Variants in PTGER4 observed in about 807,000 individuals in gnomAD.
PTGER4 encodes prostaglandin E receptor 4, also known as prostaglandin E2 receptor EP4 subtype.
Under a neutral mutation model 33.2 loss-of-function variants are expected in PTGER4, and 11 were observed. That is an observed-to-expected ratio of 0.33 (90% confidence interval 0.21 to 0.55). The LOEUF (loss-of-function observed/expected upper bound fraction) is 0.55. Ranked by LOEUF, PTGER4 falls within the 20% of genes least tolerant of loss-of-function variation. PTGER4 has a pLI of 0.92. For missense variants in PTGER4, 481 were observed against 650.2 expected, an observed-to-expected ratio of 0.74 and a Z score of 2.83; for synonymous variants, 275 against 281.5, an observed-to-expected ratio of 0.98 and a Z score of 0.23.
rs1190115669 is a variant in PTGER4, at chr5:40,691,028, T to G, written c.868-751T>G. 6.6e-6 allele frequency among the ~76,000 whole-genome samples: 1 copy of G among 152,228 alleles called. No individual in the cohort carries two copies. Among genetic ancestry groups the G allele is most frequent in the Non-Finnish European group, 1.5e-5 (1 of 68,038 alleles). Reference sequence around the variant, plus strand: ...GCAGTGACTGGTTTTTATTTTTTTATTTTTTATTTTTAAACAGATTCTTGC... The same window carrying G: ...GCAGTGACTGGTTTTTATTTTTTTAGTTTTTATTTTTAAACAGATTCTTGC... On this transcript the variant is annotated intron_variant, in intron 2 of 2. Coordinates refer to ENST00000302472, the MANE Select transcript of PTGER4 (RefSeq NM_000958.3). This position sits in a 1 kb window ranked among gnomAD's most constrained non-coding sequence, Gnocchi z 4.2.
chr5:40,709,936 T>G, the PTGER4 span, among the ~76,000 whole-genome samples: 1 of 152,096 alleles, frequency 6.6e-6, no homozygotes, highest in East Asian at 1.9e-4. Context: ...CAAGATGGAT[T>G]AAAGACTTAA....
chr5:40,699,451 TCTATAGAAA>T, the PTGER4 span, among the ~76,000 whole-genome samples: 1 of 152,182 alleles, frequency 6.6e-6, no homozygotes, highest in Non-Finnish European at 1.5e-5. Flanking sequence ...TGACACCAAA[TCTATAGAAA>T]CTATATTGAA....
At chr5:40,741,006 A>G in the PTGER4 span, among the ~76,000 whole-genome samples, 2 of 152,172 alleles carry the variant, frequency 1.3e-5, no homozygotes, top group African/African-American at 4.8e-5. Context: ...TAGTTGTATT[A>G]CCATTTTAAT....
chr5:40,697,161 AAAAG>A (rs1291673995), downstream of PTGER4, among the ~76,000 whole-genome samples: 12 of 149,488 alleles, frequency 8.0e-5, no homozygotes, highest in Admixed American at 2.7e-4. Flanking sequence ...AGAAAGAAAG[AAAAG>A]AAAGAAAGGA....
the PTGER4 span, among the ~76,000 whole-genome samples, chr5:40,704,270 G>C: frequency 6.6e-6 from 1 of 152,122 alleles, no homozygotes; most frequent in Non-Finnish European, 1.5e-5. Flanking sequence ...AAAGACTTTT[G>C]ATAAAATTCA....
At chr5:40,705,658 G>A in the PTGER4 span, among the ~76,000 whole-genome samples, 1 of 152,062 alleles carries the variant, frequency 6.6e-6, no homozygotes. Context: ...ATTAAAACAT[G>A]GGCAAAGGAC....
At chr5:40,739,287 C>T in the PTGER4 span, among the ~76,000 whole-genome samples, 2 of 152,152 alleles carry the variant, frequency 1.3e-5, no homozygotes, top group Non-Finnish European at 1.5e-5. Flanking sequence ...TTATCTCAAA[C>T]GCAAGCTTGC....
At chr5:40,733,520 T>A in the PTGER4 span, among the ~76,000 whole-genome samples, 1 of 152,202 alleles carries the variant, frequency 6.6e-6, no homozygotes, top group African/African-American at 2.4e-5. Context: ...TGTTAAAAGC[T>A]TATCATATTT....
rs45480797 is a variant in PTGER4 at position 40,680,862 on chromosome 5, C to G, written c.-43-89C>G. 80,304 of 1,140,612 alleles carry G rather than the reference C, an allele frequency of 0.07. 3,226 individuals carry two copies. Among genetic ancestry groups the G allele is most frequent in the African/African-American group, 0.11 (7,029 of 64,446 alleles). The allele number at this position is 1,140,612 out of a possible 1,614,324, so 70.7% of individuals were successfully genotyped here. A position where few individuals can be genotyped will look rare whatever the true frequency, so the allele number is the denominator to read the frequency against. On this transcript the variant is annotated intron_variant, in intron 1 of 2. Transcript: ENST00000302472. This position sits in a 1 kb window ranked among gnomAD's most constrained non-coding sequence, Gnocchi z 5.5. ...GATCGAGTTGCTCCCCTTGTCTTAT[C>G]AGTGTATCGTTTCTCGGGCGCGGGT...
rs746317831 is a variant in PTGER4, at chr5:40,681,162, C to T, written c.169C>T (p.Leu57=). ...KEQKETTFYT[L]VCGLAVTDLL... Reference sequence around the variant, plus strand: ...GCAGAAGGAGACGACCTTCTACACGCTGGTATGTGGGCTGGCTGTCACCGA... The same window carrying T: ...GCAGAAGGAGACGACCTTCTACACGTTGGTATGTGGGCTGGCTGTCACCGA... The change falls in exon 2 of 3, where the codon CTG becomes TTG. Residue 57 remains leucine, a synonymous_variant. Coordinates refer to ENST00000302472, the MANE Select transcript of PTGER4 (RefSeq NM_000958.3). This position sits in a 1 kb window ranked among gnomAD's most constrained non-coding sequence, Gnocchi z 9.8. 1 of 1,614,186 alleles carries T rather than the reference C, an allele frequency of 6.2e-7. No homozygotes were observed. The highest frequency in any genetic ancestry group is 8.5e-7 in the Non-Finnish European group (1 of 1,180,046).
rs762282121 is a variant in PTGER4 at position 40,692,325 on chromosome 5, C to G, written c.1414C>G (p.Leu472Val). 8.7e-6 allele frequency: 14 copies of G among 1,608,504 alleles called. No individual in the cohort carries two copies. Among genetic ancestry groups the G allele is most frequent in the Non-Finnish European group, 3.4e-6 (4 of 1,177,658 alleles). Residue 472 changes from leucine (L) to valine (V), a missense_variant, in exon 3 of 3, where the codon CTG becomes GTG. Physicochemically the swap from Leu to Val is conservative, Grantham distance 32. Transcript: ENST00000302472. ...RAGPAPKGSS[L>V]QVTFPSETLN... is the part of the protein sequence containing the mutation. Reference sequence around the variant, plus strand: ...TGGGCCTGCCCCTAAGGGGAGCTCCCTGCAAGTCACATTTCCCAGTGAAAC... The same window carrying G: ...TGGGCCTGCCCCTAAGGGGAGCTCCGTGCAAGTCACATTTCCCAGTGAAAC...
chr5:40,725,150 ATT>A, the PTGER4 span, among the ~76,000 whole-genome samples: 19 of 139,240 alleles, frequency 1.4e-4, no homozygotes, highest in African/African-American at 2.1e-4. Context: ...GCCCAGCCAA[ATT>A]TTTTTTTTTT....
the PTGER4 span, among the ~76,000 whole-genome samples, chr5:40,722,845 C>T: frequency 1.3e-5 from 2 of 151,630 alleles, no homozygotes; most frequent in East Asian, 3.9e-4. Flanking sequence ...CGGCCAGCTG[C>T]CCCGTCCGGG....
chr5:40,721,664 G>A, the PTGER4 span, among the ~76,000 whole-genome samples: 18 of 151,514 alleles, frequency 1.2e-4, no homozygotes, highest in African/African-American at 1.9e-4. Flanking sequence ...GGAGTCTTAT[G>A]ACTCCTACAA....
chr5:40,691,250 C>T lies in PTGER4; in HGVS notation c.868-529C>T, dbSNP rs2111811895. On this transcript the variant is annotated intron_variant, in intron 2 of 2. Transcript: ENST00000302472. The surrounding 1 kb of genome is among the most constrained non-coding windows in gnomAD (Gnocchi z 4.2). The stretch of plus-strand genomic sequence containing the variant: ...AGGCTGGAGTGCAGTGGTGGGATCT[C>T]AGCTCACTGCAACCTCCGCCTCCCA... Among the ~76,000 whole-genome samples, 1 of 152,316 alleles carries T rather than the reference C, an allele frequency of 6.6e-6. No individual in the cohort carries two copies. Among genetic ancestry groups the T allele is most frequent in the East Asian group, 1.9e-4 (1 of 5,170 alleles).
chr5:40,692,536 A>C lies in PTGER4; in HGVS notation c.*158A>C. Reference sequence around the variant, plus strand: ...GCTTTTGAGCACTTTTCAAACAATCAAGTTGACTCACGTGGGTCCTGAGGC... The same window carrying C: ...GCTTTTGAGCACTTTTCAAACAATCCAGTTGACTCACGTGGGTCCTGAGGC... On this transcript the variant is annotated 3_prime_UTR_variant, in exon 3 of 3. Transcript: ENST00000302472. 7.0e-7 allele frequency: 1 copy of C among 1,428,910 alleles called. No individual in the cohort carries two copies. Among genetic ancestry groups the C allele is most frequent in the Non-Finnish European group, 9.1e-7 (1 of 1,096,466 alleles). 88.5% of individuals were successfully genotyped at this position (1,428,910 alleles called of 1,614,324 possible). A position where few individuals can be genotyped will look rare whatever the true frequency, so the allele number is the denominator to read the frequency against.
intron 2 of PTGER4, among the ~76,000 whole-genome samples, chr5:40,689,049 T>C (rs1741400506): frequency 6.6e-6 from 1 of 152,178 alleles, no homozygotes; most frequent in African/African-American, 2.4e-5. Context: ...CAATAATATA[T>C]TGCAAAATAT....
At chr5:40,720,244 T>C in the PTGER4 span, among the ~76,000 whole-genome samples, 1 of 152,156 alleles carries the variant, frequency 6.6e-6, no homozygotes, top group Non-Finnish European at 1.5e-5. Flanking sequence ...GAAGTAAGAG[T>C]CCAAAGTCAT....
At chr5:40,732,359 C>T in the PTGER4 span, among the ~76,000 whole-genome samples, 2 of 151,674 alleles carry the variant, frequency 1.3e-5, no homozygotes, top group African/African-American at 4.8e-5. Flanking sequence ...GATGAGGAAC[C>T]AATGGTTGAG....
Sources: gnomAD v4.1 joint callset for allele counts (sites outside exome capture counted in the v4.1 genomes callset) on GRCh38, gnomAD v4.1.1 for gene constraint, Gnocchi (gnomAD v3.1) non-coding constraint, MANE v1.5 for transcripts, NCBI Gene and HGNC (gene_info 2026-07-23, HGNC 2026-07-21) for gene names.